CFAP91: variants seen among roughly 807,000 people sequenced by gnomAD.
CFAP91 encodes the protein cilia- and flagella-associated protein 91.
CFAP91 carries 85 observed loss-of-function variants against 95.9 expected under a neutral mutation model. The ratio of observed to expected loss-of-function variants is 0.89; its 90% CI spans 0.74 to 1.06. The LOEUF is 1.06. CFAP91 is among the 50% of genes least tolerant of loss of function. The pLI is 0.00. For missense variants in CFAP91, 962 were observed against 943.4 expected (o/e 1.02, Z -0.26); for synonymous variants, 335 against 327.5 (o/e 1.02, Z -0.25).
intron 8 of CFAP91, among the ~76,000 whole-genome samples, chr3:119,731,076 A>T (rs1306902826): frequency 2.0e-5 from 3 of 151,956 alleles, no homozygotes; most frequent in East Asian, 1.9e-4. Flanking sequence ...GTCTCTACAA[A>T]TTTTTTTTAA....
Position 119,740,250 on chromosome 3 carries a change from G to A in CFAP91, c.1534-299G>A, listed in dbSNP as rs556800863. Among the ~76,000 whole-genome samples, 3 of 152,378 alleles carry A rather than the reference G, an allele frequency of 2.0e-5. No individual in the cohort carries two copies. The South Asian group carries it at 6.2e-4, about 32-fold the overall frequency. ...TTATTAGGGAAGGAGCACAGGAAAT[G>A]AGGGGAAGGTTCTGGTTTCTTCAGA... On this transcript the variant is annotated intron_variant, in intron 12 of 17. Transcript: ENST00000273390.
chr3:119,754,649 G>T (rs994958903), intron 17 of CFAP91, among the ~76,000 whole-genome samples: 1 of 152,198 alleles, frequency 6.6e-6, no homozygotes, highest in African/African-American at 2.4e-5. Flanking sequence ...AAGGAAAAAT[G>T]ATTCCACAGG....
At chr3:119,706,023 A>G (rs1234023661) in intron 1 of CFAP91, 1 of 152,250 alleles carries the variant, frequency 6.6e-6, no homozygotes, top group Non-Finnish European at 1.5e-5. Flanking sequence ...ATGGAGAAAT[A>G]TGTGTTACCA....
At chr3:119,723,851 T>G (rs2053729877) in intron 6 of CFAP91, among the ~76,000 whole-genome samples, 1 of 152,156 alleles carries the variant, frequency 6.6e-6, no homozygotes, top group Admixed American at 6.5e-5. Flanking sequence ...ATTAGAAAAG[T>G]GCTTGGCATA....
chr3:119,755,784 T>C (rs1034316602), intron 17 of CFAP91, among the ~76,000 whole-genome samples: 4 of 152,186 alleles, frequency 2.6e-5, no homozygotes, highest in East Asian at 1.9e-4. Context: ...AAAAATGATA[T>C]AGCAGATTTG....
In CFAP91 at chr3:119,743,957, T is replaced by A; in HGVS notation, c.1681-18T>A. ...ATAATGGAATTTGTGTCCTTAAAGT[T>A]ATGTTATTCTTTTCAAGGTGTCACT... On this transcript the variant is annotated intron_variant, in intron 13 of 17. Transcript: ENST00000273390. 6.4e-7 allele frequency: 1 copy of A among 1,571,102 alleles called. No individual in the cohort carries two copies. The highest frequency in any genetic ancestry group is 8.7e-7 in the Non-Finnish European group (1 of 1,154,250).
intron 15 of CFAP91, chr3:119,747,603 C>A (rs1384728169): frequency 8.6e-6 from 5 of 579,980 alleles, no homozygotes; most frequent in Admixed American, 3.3e-5. Flanking sequence ...CCCTTCCTGG[C>A]AGGCAGGGTA....
chr3:119,757,251 A>G (rs767725065), intron 17 of CFAP91, among the ~76,000 whole-genome samples: 22 of 152,222 alleles, frequency 1.4e-4, no homozygotes, highest in Non-Finnish European at 3.1e-4. Flanking sequence ...GCAAAATTTA[A>G]CAGAACTGCC....
chr3:119,732,907 G>A (rs1451132578), intron 9 of CFAP91, among the ~76,000 whole-genome samples: 3 of 152,192 alleles, frequency 2.0e-5, no homozygotes, highest in African/African-American at 7.2e-5. Context: ...TTCAAAAGAG[G>A]CTTATTTAGT....
At position 119,730,391 on chromosome 3, in the gene CFAP91, A is replaced by G. The variant is rs1473131220; in HGVS notation, c.1018+14A>G. The G allele has an allele frequency of 3.1e-6, 5 of 1,607,280 alleles. No homozygotes were observed. The highest frequency in any genetic ancestry group is 4.2e-6 in the Non-Finnish European group (5 of 1,177,320). ...CGCATGTATCAAGTAATGGTGTAGT[A>G]TGAACAATGAAGACGGTGGAAAAGT... On this transcript the variant is annotated intron_variant, in intron 8 of 17. Coordinates refer to ENST00000273390, the MANE Select transcript of CFAP91 (RefSeq NM_033364.4).
intron 6 of CFAP91, among the ~76,000 whole-genome samples, chr3:119,719,124 T>A (rs989222549): frequency 2.6e-5 from 4 of 152,192 alleles, no homozygotes; most frequent in South Asian, 4.1e-4. Flanking sequence ...TACAACTACA[T>A]GTGATTACAA....
chr3:119,748,081 A>G (rs56210597), intron 16 of CFAP91, among the ~76,000 whole-genome samples, 179 bp downstream of exon 16: 2,093 of 152,296 alleles, frequency 0.014, 40 homozygotes, highest in African/African-American at 0.048. Flanking sequence ...AATATAATCA[A>G]CTCTAGTACA....
intron 13 of CFAP91, among the ~76,000 whole-genome samples, chr3:119,742,161 A>T (rs1474925001): frequency 6.6e-6 from 1 of 152,182 alleles, no homozygotes; most frequent in African/African-American, 2.4e-5. Flanking sequence ...GTGGATATAC[A>T]TGTGAGTGAA....
At chr3:119,721,190 T>C (rs1198452782) in intron 6 of CFAP91, among the ~76,000 whole-genome samples, 1 of 152,228 alleles carries the variant, frequency 6.6e-6, no homozygotes. Context: ...TTTGTTGCAA[T>C]ACCAGAAAGC....
At chr3:119,726,394 T>A in intron 7 of CFAP91, 46 bp downstream of exon 7, 1 of 1,522,668 alleles carries the variant, frequency 6.6e-7, no homozygotes, top group Non-Finnish European at 8.9e-7. Flanking sequence ...CTGGTGGGAA[T>A]AATGTTAATA....
At position 119,728,231 on chromosome 3, in the gene CFAP91, A is replaced by G. The variant is rs531666104; in HGVS notation, c.860+1883A>G. ...ACTTATAGAGGGCTTACTATGTGCC[A>G]GATGATGTTCTAAGCATGTAGACCT... is the stretch of plus-strand genomic sequence containing the variant. On this transcript the variant is annotated intron_variant, in intron 7 of 17. Transcript: ENST00000273390. Among the ~76,000 whole-genome samples the G allele has an allele frequency of 2.6e-5, 4 of 152,326 alleles. No individual in the cohort carries two copies. The South Asian group carries it at 8.3e-4, about 32-fold the overall frequency.
intron 13 of CFAP91, among the ~76,000 whole-genome samples, chr3:119,741,841 C>A (rs2054126485): frequency 1.3e-5 from 2 of 152,144 alleles, no homozygotes; most frequent in South Asian, 4.1e-4. Context: ...ATGACAGCAG[C>A]ACCATGGATG....
chr3:119,739,475 G>A, intron 12 of CFAP91, 149 bp downstream of exon 12: 1 of 661,362 alleles, frequency 1.5e-6, no homozygotes, highest in African/African-American at 1.8e-5. Flanking sequence ...ATTTCCTTCT[G>A]GTGACCCATT....
Position 119,715,510 on chromosome 3 carries a change from T to G in CFAP91, c.501-52T>G, listed in dbSNP as rs2053556849. 3 of 1,428,408 alleles carry G rather than the reference T, an allele frequency of 2.1e-6. No homozygotes were observed. The Admixed American group carries it at 5.1e-5, about 24-fold the overall frequency. 88.5% of individuals were successfully genotyped at this position (1,428,408 alleles called of 1,614,324 possible). A position where few individuals can be genotyped will look rare whatever the true frequency, so the allele number is the denominator to read the frequency against. On this transcript the variant is annotated intron_variant, in intron 5 of 17. Coordinates refer to ENST00000273390, the MANE Select transcript of CFAP91 (RefSeq NM_033364.4). ...TTTGTTTCTACTTGATTATATAATA[T>G]TTTAAGTGACCATAACAGGTTTCAA...
Sources: gnomAD v4.1 joint callset for allele counts (sites outside exome capture counted in the v4.1 genomes callset) on GRCh38, gnomAD v4.1.1 for gene constraint, MANE v1.5 for transcripts, NCBI Gene and HGNC (gene_info 2026-07-23, HGNC 2026-07-21) for gene names.